The following FARS2 variants were observed in gnomAD, a reference collection of about 807,000 sequenced individuals.
FARS2 encodes phenylalanine--tRNA ligase, mitochondrial.
In FARS2, 40 loss-of-function variants were observed where a neutral mutation model predicts 46.4. The ratio of observed to expected loss-of-function variants is 0.86; its 90% CI spans 0.67 to 1.12. The LOEUF is 1.12. FARS2 is among the 50% of genes most tolerant of loss of function. The probability of loss-of-function intolerance (pLI) is 0.00; values close to 1 mark genes in which losing one functional copy is unlikely to be tolerated. For missense variants in FARS2, 513 were observed against 567.9 expected (o/e 0.90, Z 0.98); for synonymous variants, 234 against 214.9 (o/e 1.09, Z -0.78).
At chr6:5,354,734 C>T (rs918329945) in intron 1 of FARS2, among the ~76,000 whole-genome samples, 36 of 152,026 alleles carry the variant, frequency 2.4e-4, no homozygotes, top group African/African-American at 6.5e-4. Context: ...AGGATGGTCT[C>T]GATCTCCTGA....
intron 1 of FARS2, among the ~76,000 whole-genome samples, chr6:5,297,933 A>G (rs1323316151): frequency 1.3e-5 from 2 of 152,234 alleles, no homozygotes; most frequent in Non-Finnish European, 2.9e-5. Context: ...TTCCCATCAG[A>G]AGTTTACTTT....
At chr6:5,710,455 A>C (rs1187089929) in intron 6 of FARS2, among the ~76,000 whole-genome samples, 4 of 152,146 alleles carry the variant, frequency 2.6e-5, no homozygotes, top group Non-Finnish European at 5.9e-5. Context: ...TAGGCAAAAT[A>C]AGTGCAACAA....
intron 6 of FARS2, among the ~76,000 whole-genome samples, chr6:5,728,263 CTGGGA>C (rs1420528732): frequency 6.6e-6 from 1 of 152,242 alleles, no homozygotes; most frequent in East Asian, 1.9e-4. Context: ...AGCCTAATAG[CTGGGA>C]ATGGGCTGGT....
chr6:5,426,354 T>C (rs899668789), intron 3 of FARS2, among the ~76,000 whole-genome samples: 1 of 152,206 alleles, frequency 6.6e-6, no homozygotes, highest in Non-Finnish European at 1.5e-5. Context: ...ACGTAATTTT[T>C]AGTAAATATT....
intron 6 of FARS2, among the ~76,000 whole-genome samples, chr6:5,735,659 A>G (rs555916435): frequency 1.3e-5 from 2 of 152,358 alleles, no homozygotes; most frequent in Non-Finnish European, 2.9e-5. Flanking sequence ...TTCGCCTGCT[A>G]ATAAAACAGT....
intron 1 of FARS2, among the ~76,000 whole-genome samples, chr6:5,292,533 G>A (rs755243218): frequency 6.6e-5 from 10 of 152,140 alleles, no homozygotes; most frequent in Non-Finnish European, 1.2e-4. Flanking sequence ...AGAGAAGGAA[G>A]ACTAAAGGAT....
chr6:5,687,724 C>G (rs1230827322), intron 6 of FARS2, among the ~76,000 whole-genome samples: 1 of 152,012 alleles, frequency 6.6e-6, no homozygotes, highest in Non-Finnish European at 1.5e-5. Context: ...AGTTTTTTTC[C>G]AATTCTGTGA....
chr6:5,414,121 C>T (rs1056951361), intron 3 of FARS2, among the ~76,000 whole-genome samples: 2 of 152,172 alleles, frequency 1.3e-5, no homozygotes, highest in Admixed American at 6.5e-5. Context: ...CTTCCAATTG[C>T]TGCCCGACAG....
intron 3 of FARS2, among the ~76,000 whole-genome samples, chr6:5,416,862 G>A (rs1024965933): frequency 2.6e-5 from 4 of 152,190 alleles, no homozygotes; most frequent in Admixed American, 6.5e-5. Flanking sequence ...TCTGTATAGC[G>A]TAAGAACAGC....
intron 4 of FARS2, among the ~76,000 whole-genome samples, chr6:5,472,382 G>T (rs542155503): frequency 6.6e-6 from 1 of 152,296 alleles, no homozygotes; most frequent in South Asian, 2.1e-4. Flanking sequence ...TCTCCTGCAG[G>T]TTTATCCACC....
chr6:5,407,213 C>A (rs1761666364), intron 3 of FARS2, among the ~76,000 whole-genome samples: 1 of 151,744 alleles, frequency 6.6e-6, no homozygotes, highest in Non-Finnish European at 1.5e-5. Flanking sequence ...TAGAGTATAG[C>A]ACAAAGTTCT....
At chr6:5,392,782 GTGTGTATATATACATATATGTA>G (rs568431658) in intron 2 of FARS2, among the ~76,000 whole-genome samples, 1,934 of 145,666 alleles carry the variant, frequency 0.013, 19 homozygotes, top group African/African-American at 0.02. Context: ...GTATATATAT[GTGTGTATATATACATATATGTA>G]TGTGTATATA....
intron 6 of FARS2, among the ~76,000 whole-genome samples, chr6:5,691,059 C>G (rs1208620796): frequency 6.6e-6 from 1 of 152,042 alleles, no homozygotes; most frequent in Non-Finnish European, 1.5e-5. Context: ...TAAGGACTTC[C>G]CTGCATTGGT....
chr6:5,457,806 G>T (rs746821247), intron 4 of FARS2: 4 of 152,168 alleles, frequency 2.6e-5, no homozygotes, highest in Non-Finnish European at 4.4e-5. Context: ...GTCAACCAAG[G>T]CTATAAATCC....
intron 6 of FARS2, among the ~76,000 whole-genome samples, chr6:5,717,419 T>C (rs1439102597): frequency 2.0e-5 from 3 of 150,054 alleles, no homozygotes; most frequent in Non-Finnish European, 4.5e-5. Flanking sequence ...CAACCCCCTC[T>C]CTAGCCATTC....
At chr6:5,528,907 C>A (rs1207988578) in intron 4 of FARS2, among the ~76,000 whole-genome samples, 2 of 152,126 alleles carry the variant, frequency 1.3e-5, no homozygotes, top group African/African-American at 4.8e-5. Flanking sequence ...TGGAAGCTGA[C>A]CTGCTAAGGA....
chr6:5,310,628 A>C (rs1769021421), intron 1 of FARS2, among the ~76,000 whole-genome samples: 2 of 152,224 alleles, frequency 1.3e-5, no homozygotes, highest in Non-Finnish European at 2.9e-5. Flanking sequence ...ACAAATGAAA[A>C]TGTGCAGCTT....
chr6:5,521,168 A>G (rs1769112479), intron 4 of FARS2, among the ~76,000 whole-genome samples: 1 of 152,048 alleles, frequency 6.6e-6, no homozygotes, highest in Non-Finnish European at 1.5e-5. Flanking sequence ...CACATTTCTG[A>G]AAGAATTGAA....
intron 5 of FARS2, among the ~76,000 whole-genome samples, chr6:5,603,001 A>G (rs78572970): frequency 2.8e-4 from 42 of 152,324 alleles, no homozygotes; most frequent in African/African-American, 9.1e-4. Flanking sequence ...ACTGAGGCAT[A>G]TTGGCCTCAG....
Sources: allele counts gnomAD v4.1 joint callset (sites outside exome capture counted in the v4.1 genomes callset), GRCh38; gene constraint gnomAD v4.1.1; transcripts MANE v1.5; gene names NCBI Gene and HGNC (gene_info 2026-07-23, HGNC 2026-07-21).